PRKG2: variants seen among roughly 807,000 people sequenced by gnomAD.
PRKG2 encodes cGMP-dependent protein kinase 2.
A neutral mutation model predicts 97.2 loss-of-function variants in PRKG2; 33 were observed. The ratio of observed to expected loss-of-function variants is 0.34; its 90% CI spans 0.26 to 0.45. PRKG2 has a LOEUF of 0.45. Among genes scored for constraint, PRKG2 ranks in the 20% least tolerant of loss-of-function variants. The probability of loss-of-function intolerance (pLI) is 1.00; values close to 1 mark genes in which losing one functional copy is unlikely to be tolerated. For missense variants in PRKG2, 638 were observed against 900.0 expected (o/e 0.71, Z 3.73); for synonymous variants, 330 against 321.8 (o/e 1.03, Z -0.27).
At chr4:81,117,689 C>T (rs1012170428) in intron 14 of PRKG2, among the ~76,000 whole-genome samples, 1 of 152,128 alleles carries the variant, frequency 6.6e-6, no homozygotes, top group Non-Finnish European at 1.5e-5. Context: ...TAAGACTTCA[C>T]TTTTTTAGAG....
chr4:81,194,070 A>G (rs1300476914), intron 2 of PRKG2, among the ~76,000 whole-genome samples: 1 of 152,132 alleles, frequency 6.6e-6, no homozygotes, highest in Non-Finnish European at 1.5e-5. Flanking sequence ...CAAGTAAAGA[A>G]TGTGCCCGCT....
At chr4:81,131,409 C>G (rs1578393533) in intron 14 of PRKG2, among the ~76,000 whole-genome samples, 3 of 152,164 alleles carry the variant, frequency 2.0e-5, no homozygotes, top group African/African-American at 7.2e-5. Flanking sequence ...AGAGCTGTTC[C>G]TATTTGGCCA....
chr4:81,171,574 AG>A (rs756431947), intron 4 of PRKG2, 116 bp downstream of exon 4: 23 of 671,214 alleles, frequency 3.4e-5, no homozygotes, highest in Non-Finnish European at 4.9e-5. Flanking sequence ...TTCTATTATA[AG>A]AACATATAGG....
chr4:81,144,361 G>A lies in PRKG2; in HGVS notation c.1155-31C>T, dbSNP rs7662441. On this transcript the variant is annotated intron_variant, in intron 9 of 18. Coordinates refer to ENST00000264399, the MANE Select transcript of PRKG2 (RefSeq NM_006259.3). ...TAGATAGAATAAAGTAAAATGCTCC[G>A]TGCTGATAGTTACCAAGGCAACTTG... The A allele has an allele frequency of 0.01, 15,375 of 1,537,484 alleles. 1,284 individuals are homozygous for A. In the African/African-American group the frequency reaches 0.18, roughly 18 times the overall value.
intron 14 of PRKG2, among the ~76,000 whole-genome samples, chr4:81,122,062 G>C (rs1489024311): frequency 6.6e-6 from 1 of 152,152 alleles, no homozygotes; most frequent in African/African-American, 2.4e-5. Flanking sequence ...ATTCATATAG[G>C]ACATTTATTG....
At chr4:81,107,334 T>C (rs1578348668) in intron 15 of PRKG2, among the ~76,000 whole-genome samples, 1 of 152,050 alleles carries the variant, frequency 6.6e-6, no homozygotes, top group Non-Finnish European at 1.5e-5. Context: ...GAATTGATGG[T>C]ATCATCAAGA....
At chr4:81,120,458 G>GT (rs112980637) in intron 14 of PRKG2, among the ~76,000 whole-genome samples, 1 of 151,598 alleles carries the variant, frequency 6.6e-6, no homozygotes, top group Non-Finnish European at 1.5e-5. Flanking sequence ...CTCCATTTTA[G>GT]TTTTTTTTCA....
intron 14 of PRKG2, among the ~76,000 whole-genome samples, chr4:81,119,678 A>AC (rs1346608250): frequency 6.9e-6 from 1 of 144,128 alleles, no homozygotes; most frequent in African/African-American, 2.5e-5. Flanking sequence ...ACTGAATTGA[A>AC]TTTTTTTTTT....
chr4:81,092,343 T>C (rs532071841), intron 18 of PRKG2, 43 bp downstream of exon 18: 2 of 1,337,770 alleles, frequency 1.5e-6, no homozygotes, highest in East Asian at 4.8e-5. Flanking sequence ...CAAAAACAAA[T>C]CCCTGGGAAA....
chr4:81,090,732 A>T (rs1741451724), intron 18 of PRKG2, among the ~76,000 whole-genome samples: 1 of 152,220 alleles, frequency 6.6e-6, no homozygotes, highest in African/African-American at 2.4e-5. Flanking sequence ...ATTCAGAAGG[A>T]GCTCAAAGTG....
intron 17 of PRKG2, among the ~76,000 whole-genome samples, chr4:81,099,861 A>G (rs1034379472): frequency 6.6e-6 from 1 of 152,228 alleles, no homozygotes; most frequent in Non-Finnish European, 1.5e-5. Context: ...CAACTTCAGC[A>G]AAGTCTCAGG....
intron 3 of PRKG2, among the ~76,000 whole-genome samples, chr4:81,173,392 C>T (rs11933194): frequency 0.22 from 33,666 of 151,946 alleles, 7,009 homozygotes; most frequent in African/African-American, 0.53. Context: ...TGGGAAGGAA[C>T]GAGATAGGCT....
chr4:81,195,742 T>C (rs572497452), intron 2 of PRKG2, among the ~76,000 whole-genome samples: 2 of 152,364 alleles, frequency 1.3e-5, no homozygotes, highest in Admixed American at 6.5e-5. Flanking sequence ...TGCATGTATA[T>C]ACTACATTTT....
intron 15 of PRKG2, among the ~76,000 whole-genome samples, chr4:81,107,792 C>T (rs578090021): frequency 6.6e-6 from 1 of 152,178 alleles, no homozygotes; most frequent in South Asian, 2.1e-4. Flanking sequence ...ATTACAGGCA[C>T]GAGTCACAAC....
At chr4:81,109,418 T>A (rs1252765020) in intron 15 of PRKG2, among the ~76,000 whole-genome samples, 1 of 152,210 alleles carries the variant, frequency 6.6e-6, no homozygotes. Context: ...GTTATAAGGA[T>A]GATCAAATCA....
At chr4:81,121,128 T>G (rs539145597) in intron 14 of PRKG2, among the ~76,000 whole-genome samples, 1 of 152,252 alleles carries the variant, frequency 6.6e-6, no homozygotes, top group Non-Finnish European at 1.5e-5. Context: ...CAGTCTTGAA[T>G]ACCTGGAATA....
rs773065975 is a variant in PRKG2 at position 81,130,461 on chromosome 4, CA to C, written c.1776+4693del. Among the ~76,000 whole-genome samples, 6 of 152,124 alleles carry C rather than the reference CA, an allele frequency of 3.9e-5. No homozygotes were observed. The East Asian group carries it at 1.2e-3, about 29-fold the overall frequency. ...GGAGGTGTCTCCCCGGCAGGAGGAA[CA>C]AGGGTCAGGGACCCACTTGAGGAGG... On this transcript the variant is annotated intron_variant, in intron 14 of 18. Coordinates refer to ENST00000264399, the MANE Select transcript of PRKG2 (RefSeq NM_006259.3).
intron 2 of PRKG2, among the ~76,000 whole-genome samples, chr4:81,189,450 T>C (rs1752267767): frequency 7.1e-6 from 1 of 140,122 alleles, no homozygotes; most frequent in East Asian, 2.2e-4. Context: ...GATGAGTTCA[T>C]GTCCTTTGTA....
intron 1 of PRKG2, among the ~76,000 whole-genome samples, chr4:81,208,725 G>C (rs1753811141): frequency 6.6e-6 from 1 of 152,088 alleles, no homozygotes; most frequent in Admixed American, 6.5e-5. Context: ...TATTCCTTTG[G>C]GAGGTGGTGG....
Sources: gnomAD v4.1 joint callset for allele counts (sites outside exome capture counted in the v4.1 genomes callset) on GRCh38, gnomAD v4.1.1 for gene constraint, MANE v1.5 for transcripts, NCBI Gene and HGNC (gene_info 2026-07-23, HGNC 2026-07-21) for gene names.